The following EYS variants were observed in gnomAD, a reference collection of about 807,000 sequenced individuals.
EYS encodes the protein EGF-like photoreceptor maintenance factor.
In EYS, 250 loss-of-function variants were observed where a neutral mutation model predicts 282.1. The observed-to-expected ratio is 0.89, with a 90% CI of 0.80 to 0.98. EYS has a LOEUF of 0.98. Ranked by LOEUF, EYS falls within the 50% of genes least tolerant of loss-of-function variation. EYS has a pLI of 0.00. For missense variants in EYS, 4,016 were observed against 3,709.0 expected (o/e 1.08, Z -2.15); for synonymous variants, 1,355 against 1,282.9 (o/e 1.06, Z -1.20).
chr6:65,297,090 T>A, intron 11 of EYS, among the ~76,000 whole-genome samples: 1 of 151,576 alleles, frequency 6.6e-6, no homozygotes, highest in African/African-American at 2.4e-5. Context: ...AGTTATAAGT[T>A]ATTAATATAA....
chr6:64,984,438 A>T (rs1770783741), intron 14 of EYS, among the ~76,000 whole-genome samples: 1 of 151,490 alleles, frequency 6.6e-6, no homozygotes, highest in African/African-American at 2.4e-5. Context: ...AAAAAATTTT[A>T]ATTGTATTTG....
At chr6:64,936,911 C>T (rs866916186) in intron 15 of EYS, among the ~76,000 whole-genome samples, 3 of 151,560 alleles carry the variant, frequency 2.0e-5, no homozygotes, top group Middle Eastern at 3.4e-3. Flanking sequence ...ATTCATATTT[C>T]CTGACTTCAA....
intron 36 of EYS, among the ~76,000 whole-genome samples, chr6:63,826,542 T>C (rs983284420): frequency 2.0e-5 from 3 of 152,178 alleles, no homozygotes; most frequent in Non-Finnish European, 2.9e-5. Context: ...AACAGCAGAC[T>C]TCTCAGCAGA....
intron 31 of EYS, among the ~76,000 whole-genome samples, chr6:64,092,995 A>G (rs1451084235): frequency 6.6e-6 from 1 of 151,898 alleles, no homozygotes; most frequent in Non-Finnish European, 1.5e-5. Context: ...TCCCAGCACC[A>G]TTTATTAAAT....
At chr6:65,506,460 CTTTTTTTTTTT>C (rs58326040) in intron 2 of EYS, among the ~76,000 whole-genome samples, 3 of 64,886 alleles carry the variant, frequency 4.6e-5, no homozygotes, top group East Asian at 4.8e-4. Flanking sequence ...TCCTTCCTTT[CTTTTTTTTTTT>C]TTTTTTTTTT....
intron 10 of EYS, among the ~76,000 whole-genome samples, chr6:65,339,751 T>TC (rs1046674475): frequency 2.6e-5 from 4 of 151,170 alleles, no homozygotes; most frequent in African/African-American, 9.7e-5. Context: ...GAGTAGGCCT[T>TC]CTGTAGAGTA....
At chr6:63,762,723 T>A in intron 40 of EYS, 90 bp from the exon 41 acceptor site, 1 of 1,211,694 alleles carries the variant, frequency 8.3e-7, no homozygotes, top group Non-Finnish European at 1.1e-6. Context: ...TTGTCAATTT[T>A]AACTGAAGTT....
At chr6:65,515,717 C>A (rs1399758570) in intron 2 of EYS, among the ~76,000 whole-genome samples, 1 of 144,970 alleles carries the variant, frequency 6.9e-6, no homozygotes, top group Non-Finnish European at 1.5e-5. Context: ...CGCATATTCT[C>A]ACTCATAGGT....
intron 26 of EYS, among the ~76,000 whole-genome samples, chr6:64,526,935 T>C (rs2150529179): frequency 6.6e-6 from 1 of 151,900 alleles, no homozygotes; most frequent in Admixed American, 6.6e-5. Flanking sequence ...TTCTAAGTGA[T>C]CCAACAGGTT....
At chr6:63,724,303 G>A (rs1768529501) in intron 42 of EYS, among the ~76,000 whole-genome samples, 1 of 152,148 alleles carries the variant, frequency 6.6e-6, no homozygotes, top group African/African-American at 2.4e-5. Flanking sequence ...TTATAGATAA[G>A]AGAAACCTTG....
At chr6:63,931,513 T>G (rs1427616410) in intron 35 of EYS, among the ~76,000 whole-genome samples, 1 of 152,256 alleles carries the variant, frequency 6.6e-6, no homozygotes, top group Non-Finnish European at 1.5e-5. Flanking sequence ...TAAAATGCTT[T>G]CTTGCTCTGC....
At chr6:65,464,981 C>A (rs1186068857) in intron 5 of EYS, among the ~76,000 whole-genome samples, 1 of 152,030 alleles carries the variant, frequency 6.6e-6, no homozygotes, top group Non-Finnish European at 1.5e-5. Context: ...GTTGAAAAAA[C>A]AAACAGCAAT....
chr6:64,678,818 C>T (rs1041837840), intron 22 of EYS, among the ~76,000 whole-genome samples: 2 of 151,922 alleles, frequency 1.3e-5, no homozygotes, highest in Admixed American at 1.3e-4. Context: ...AACCCCGTCT[C>T]CACTAAAGAC....
intron 26 of EYS, among the ~76,000 whole-genome samples, chr6:64,447,591 A>ACT (rs1775156618): frequency 6.6e-6 from 1 of 152,206 alleles, no homozygotes; most frequent in African/African-American, 2.4e-5. Flanking sequence ...ACTAATTTAT[A>ACT]TAAAGCATAT....
At chr6:64,646,390 T>C (rs1442051894) in intron 22 of EYS, among the ~76,000 whole-genome samples, 1 of 152,218 alleles carries the variant, frequency 6.6e-6, no homozygotes, top group African/African-American at 2.4e-5. Flanking sequence ...TCTAGACATA[T>C]GATTCTGACT....
intron 1 of EYS, among the ~76,000 whole-genome samples, chr6:65,647,356 A>C (rs1767487960): frequency 6.6e-6 from 1 of 152,214 alleles, no homozygotes; most frequent in Non-Finnish European, 1.5e-5. Flanking sequence ...CCCTGAAATA[A>C]AGCCAAATAT....
intron 35 of EYS, among the ~76,000 whole-genome samples, chr6:63,890,811 G>GT (rs1172024207): frequency 6.6e-6 from 1 of 152,142 alleles, no homozygotes; most frequent in Non-Finnish European, 1.5e-5. Flanking sequence ...CCAGGAGCTG[G>GT]TTTTTTGAAA....
chr6:65,521,350 TC>T (rs1214449524), intron 2 of EYS, among the ~76,000 whole-genome samples: 1 of 152,116 alleles, frequency 6.6e-6, no homozygotes, highest in African/African-American at 2.4e-5. Flanking sequence ...GAACACAGTT[TC>T]CCCATCAGTG....
chr6:65,081,599 A>G (rs1312572377), intron 12 of EYS, among the ~76,000 whole-genome samples: 1 of 152,126 alleles, frequency 6.6e-6, no homozygotes, highest in Non-Finnish European at 1.5e-5. Context: ...ATTCATTGAT[A>G]TGAATTTCAC....
Sources: gnomAD v4.1 joint callset for allele counts (sites outside exome capture counted in the v4.1 genomes callset) on GRCh38, gnomAD v4.1.1 for gene constraint, MANE v1.5 for transcripts, NCBI Gene and HGNC (gene_info 2026-07-23, HGNC 2026-07-21) for gene names.